LIPI: variants seen among roughly 807,000 people sequenced by gnomAD.
LIPI encodes the protein lipase I.
Under a neutral mutation model 50.6 loss-of-function variants are expected in LIPI, and 59 were observed. The ratio of observed to expected loss-of-function variants is 1.16; its 90% CI spans 0.94 to 1.45. LIPI has a LOEUF of 1.45. LIPI is among the 40% of genes most tolerant of loss of function. The pLI is 0.00. For missense variants in LIPI, 586 were observed against 536.3 expected, an observed-to-expected ratio of 1.09 and a Z score of -0.92; for synonymous variants, 203 against 178.2, an observed-to-expected ratio of 1.14 and a Z score of -1.11.
At chr21:14,185,927 T>C (rs1265659734) in intron 3 of LIPI, 34 bp downstream of exon 3, 3 of 1,213,082 alleles carry the variant, frequency 2.5e-6, no homozygotes, top group South Asian at 2.5e-5. Context: ...CTTAAAAGTA[T>C]GCTAAAGCAA....
At position 14,163,660 on chromosome 21, in the gene LIPI, T is replaced by A. The variant is rs1310814931; in HGVS notation, c.902-137A>T. On this transcript the variant is annotated intron_variant, in intron 6 of 9. Coordinates refer to ENST00000681601, the MANE Select transcript of LIPI (RefSeq NM_001302998.2). ...ATGGATTTTGATAACTTAAAAAGCA[T>A]TTTTTCAAATAATGTAGCATTCCAT... 5 of 620,610 alleles carry A rather than the reference T, an allele frequency of 8.1e-6. No homozygotes were observed. In the East Asian group the frequency reaches 1.4e-4, roughly 17 times the overall value. The allele number at this position is 620,610 out of a possible 1,614,324, so 38.4% of individuals were successfully genotyped here. A position where few individuals can be genotyped will look rare whatever the true frequency, so the allele number is the denominator to read the frequency against.
Position 14,167,557 on chromosome 21 carries a change from G to A in LIPI, c.644-1106C>T, listed in dbSNP as rs111241509. Among the ~76,000 whole-genome samples, 33 of 152,298 alleles carry A rather than the reference G, an allele frequency of 2.2e-4. No individual in the cohort carries two copies. The East Asian group carries it at 5.2e-3, about 24-fold the overall frequency. ...TCAGACAGCAGCATTCGCAGTTCACGAAAATCCACTGTTCTGCAGCCACCA... is the reference window on the plus strand; with the variant it reads ...TCAGACAGCAGCATTCGCAGTTCACAAAAATCCACTGTTCTGCAGCCACCA... On this transcript the variant is annotated intron_variant, in intron 4 of 9. Coordinates refer to ENST00000681601, the MANE Select transcript of LIPI (RefSeq NM_001302998.2).
chr21:14,139,551 T>C (rs1484780802), intron 9 of LIPI, among the ~76,000 whole-genome samples: 7 of 152,050 alleles, frequency 4.6e-5, no homozygotes, highest in Admixed American at 4.6e-4. Context: ...TTGAAGAAAA[T>C]ACATAGACTC....
At chr21:14,120,952 A>G (rs2016839621) in intron 9 of LIPI, among the ~76,000 whole-genome samples, 1 of 152,152 alleles carries the variant, frequency 6.6e-6, no homozygotes, top group African/African-American at 2.4e-5. Flanking sequence ...GAAAGGGCCT[A>G]CTCAGACCCC....
chr21:14,152,481 T>A, intron 8 of LIPI, 92 bp downstream of exon 8: 1 of 669,182 alleles, frequency 1.5e-6, no homozygotes, highest in South Asian at 1.8e-5. Flanking sequence ...GATTAAAAAA[T>A]AAACTACACT....
In LIPI at chr21:14,162,970, T is replaced by C. The variant is rs112799030; in HGVS notation, c.1006+449A>G. Among the ~76,000 whole-genome samples the C allele has an allele frequency of 9.3e-3, 1,412 of 151,742 alleles. 24 individuals are homozygous for C. The highest frequency in any genetic ancestry group is 0.033 in the African/African-American group (1,353 of 41,500). ...TATTATATTTCTATGAGATTCTCTCTTCTTCTACAAGTTTTCTCCTCTTAC... is the reference window on the plus strand; with the variant it reads ...TATTATATTTCTATGAGATTCTCTCCTCTTCTACAAGTTTTCTCCTCTTAC... On this transcript the variant is annotated intron_variant, in intron 7 of 9. Transcript: ENST00000681601.
chr21:14,155,123 C>T (rs752438024), intron 7 of LIPI, among the ~76,000 whole-genome samples: 3 of 151,920 alleles, frequency 2.0e-5, no homozygotes, highest in Non-Finnish European at 4.4e-5. Flanking sequence ...AATGAAGTTA[C>T]AGAAACAAAG....
At chr21:14,161,009 T>C (rs1236648703) in intron 7 of LIPI, among the ~76,000 whole-genome samples, 1 of 151,320 alleles carries the variant, frequency 6.6e-6, no homozygotes, top group Non-Finnish European at 1.5e-5. Context: ...ATTAGATCAC[T>C]TATATTTTAA....
chr21:14,124,249 A>G (rs971298928), intron 9 of LIPI, among the ~76,000 whole-genome samples: 10 of 152,346 alleles, frequency 6.6e-5, no homozygotes, highest in African/African-American at 2.4e-4. Context: ...CTACACAGGA[A>G]GAGATAAACG....
intron 4 of LIPI, among the ~76,000 whole-genome samples, chr21:14,169,954 G>T (rs1250607051): frequency 6.6e-6 from 1 of 151,986 alleles, no homozygotes; most frequent in Non-Finnish European, 1.5e-5. Flanking sequence ...CAACAAAATT[G>T]ATAGACCGCT....
At chr21:14,149,774 T>A (rs1405127238) in intron 8 of LIPI, among the ~76,000 whole-genome samples, 1 of 152,172 alleles carries the variant, frequency 6.6e-6, no homozygotes, top group Non-Finnish European at 1.5e-5. Context: ...CTTTAACTCA[T>A]GTCTCACATT....
chr21:14,189,509 T>G, intron 1 of LIPI, 90 bp from the exon 2 acceptor site: 1 of 1,176,932 alleles, frequency 8.5e-7, no homozygotes, highest in Non-Finnish European at 1.2e-6. Flanking sequence ...ATGTGGAGGG[T>G]AGGGAGGATT....
At chr21:14,176,108 T>C (rs1209916222) in intron 4 of LIPI, among the ~76,000 whole-genome samples, 1 of 150,230 alleles carries the variant, frequency 6.7e-6, no homozygotes, top group Non-Finnish European at 1.5e-5. Context: ...AACCCGGGAG[T>C]TGGAGCTTGC....
chr21:14,163,422 A>C lies in LIPI; in HGVS notation c.1003T>G (p.Cys335Gly), dbSNP rs1429256446. 7.1e-7 allele frequency: 1 copy of C among 1,405,388 alleles called. No individual in the cohort carries two copies. The allele number at this position is 1,405,388 out of a possible 1,614,324, so 87.1% of individuals were successfully genotyped here. A position where few individuals can be genotyped will look rare whatever the true frequency, so the allele number is the denominator to read the frequency against. ...GTTAAAATTGTTAATAACTTACTAC[A>C]GAATGGATATGTACCACTTGTATCC... is the stretch of plus-strand genomic sequence containing the variant. Reference protein sequence around the residue: ...FLDTSGTYPFCTYYFVLSIIV... With the variant: ...FLDTSGTYPFGTYYFVLSIIV... Residue 335 changes from cysteine to glycine, a missense_variant, in exon 7 of 10, where the codon TGT (cysteine) becomes GGT (glycine). By Grantham distance (159) the Cys-to-Gly change is radical. Transcript: ENST00000681601.
chr21:14,124,555 G>T (rs1160860187), intron 9 of LIPI, among the ~76,000 whole-genome samples: 1 of 152,118 alleles, frequency 6.6e-6, no homozygotes, highest in Admixed American at 6.6e-5. Flanking sequence ...AAGTTACAAG[G>T]TTGATACAGA....
chr21:14,210,669 T>C (rs2020339325), intron 1 of LIPI, 131 bp downstream of exon 1: 1 of 236,898 alleles, frequency 4.2e-6, no homozygotes, highest in Non-Finnish European at 7.8e-6. Context: ...GTAATGTTTG[T>C]TATAATTAGT....
Position 14,169,174 on chromosome 21 carries a change from G to A in LIPI, c.644-2723C>T, listed in dbSNP as rs1164392628. Among the ~76,000 whole-genome samples the A allele has an allele frequency of 4.6e-5, 7 of 152,082 alleles. No individual in the cohort carries two copies. The East Asian group carries it at 9.7e-4, about 21-fold the overall frequency. ...ACAAGAAGAGCTAACTATCCTAAAT[G>A]TATATGCACCCAATACAGGAGCATC... On this transcript the variant is annotated intron_variant, in intron 4 of 9. Coordinates refer to ENST00000681601, the MANE Select transcript of LIPI (RefSeq NM_001302998.2).
At chr21:14,110,323 C>T (rs551787673) in intron 9 of LIPI, among the ~76,000 whole-genome samples, 3 of 148,802 alleles carry the variant, frequency 2.0e-5, no homozygotes, top group Non-Finnish European at 4.5e-5. Flanking sequence ...TATAGAGGCC[C>T]CTAAATTTGA....
At chr21:14,176,022 C>T (rs1268109667) in intron 4 of LIPI, among the ~76,000 whole-genome samples, 4 of 151,754 alleles carry the variant, frequency 2.6e-5, no homozygotes, top group African/African-American at 9.7e-5. Flanking sequence ...ACTAAAAATA[C>T]AAAAAATTAG....
Sources: gnomAD v4.1 joint callset for allele counts (sites outside exome capture counted in the v4.1 genomes callset) on GRCh38, gnomAD v4.1.1 for gene constraint, MANE v1.5 for transcripts, NCBI Gene and HGNC (gene_info 2026-07-23, HGNC 2026-07-21) for gene names.